Variants in VCAN observed in about 807,000 individuals in gnomAD.
VCAN encodes versican core protein.
A neutral mutation model predicts 245.5 loss-of-function variants in VCAN; 44 were observed. The observed-to-expected ratio is 0.18, with a 90% CI of 0.14 to 0.23. VCAN has a LOEUF of 0.23. Ranked by LOEUF, VCAN falls within the 10% of genes least tolerant of loss-of-function variation. VCAN has a pLI of 1.00. For synonymous variants in VCAN, 1,413 were observed against 1,437.0 expected, an observed-to-expected ratio of 0.98 and a Z score of 0.38; for missense variants, 3,793 against 4,057.9, an observed-to-expected ratio of 0.93 and a Z score of 1.77.
At chr5:83,543,975 GACTC>G (rs1203875265) in intron 8 of VCAN, among the ~76,000 whole-genome samples, 1 of 152,212 alleles carries the variant, frequency 6.6e-6, no homozygotes, top group African/African-American at 2.4e-5. Context: ...TTCACAGGAA[GACTC>G]ACTCACTCAG....
rs1746137300 is a variant in VCAN at position 83,522,240 on chromosome 5, C to T, written c.3934C>T (p.Pro1312Ser). Reference sequence around the variant, plus strand: ...ACCTCAGGCGCTTTCTACGCCACAGCCCCCAGCAAGCACAAAATTTCACCC... The same window carrying T: ...ACCTCAGGCGCTTTCTACGCCACAGTCCCCAGCAAGCACAAAATTTCACCC... ...FGPQALSTPQ[P>S]PASTKFHPDI... Residue 1312 changes from proline (P) to serine (S), a missense_variant, in exon 7 of 15, where the codon CCC becomes TCC. This residue lies in a region of VCAN where 3,182 missense variants were observed against 3,250.3 expected (regional missense o/e 0.98). Transcript: ENST00000265077. 1.2e-6 allele frequency: 2 copies of T among 1,600,624 alleles called. No individual in the cohort carries two copies. The highest frequency in any genetic ancestry group is 3.3e-5 in the Admixed American group (2 of 59,924).
chr5:83,513,833 C>A (rs543067968), intron 6 of VCAN, among the ~76,000 whole-genome samples: 155 of 152,294 alleles, frequency 1.0e-3, no homozygotes, highest in Non-Finnish European at 1.8e-3. Context: ...AATTAAGGAG[C>A]AAAATCAGAT....
intron 11 of VCAN, among the ~76,000 whole-genome samples, chr5:83,553,789 T>C (rs1747561497): frequency 6.6e-6 from 1 of 152,222 alleles, no homozygotes; most frequent in Non-Finnish European, 1.5e-5. Flanking sequence ...GCAGTTGCTA[T>C]TTGATCATTT....
intron 12 of VCAN, among the ~76,000 whole-genome samples, chr5:83,562,802 A>T (rs1333647006): frequency 1.3e-5 from 2 of 151,976 alleles, no homozygotes; most frequent in African/African-American, 4.8e-5. Context: ...ATTAAATGCA[A>T]GTTGCTCTCT....
chr5:83,522,282 A>C lies in VCAN; in HGVS notation c.3976A>C (p.Ile1326Leu), dbSNP rs1161746129. 4.4e-6 allele frequency: 7 copies of C among 1,599,226 alleles called. No individual in the cohort carries two copies. Among genetic ancestry groups the C allele is most frequent in the Non-Finnish European group, 5.9e-6 (7 of 1,179,890 alleles). Residue 1326 changes from isoleucine to leucine, a missense_variant, in exon 7 of 15, where the codon ATT (isoleucine) becomes CTT (leucine). Ile to Leu is a conservative substitution (Grantham distance 5, BLOSUM62 2). Coordinates refer to ENST00000265077, the MANE Select transcript of VCAN (RefSeq NM_004385.5). ...TKFHPDINVY[I>L]IEVRENKTGR... The stretch of plus-strand genomic sequence containing the variant: ...ATTTCACCCTGACATTAATGTTTAT[A>C]TTATTGAGGTCAGAGAAAATAAGAC...
rs746423250 is a variant in VCAN at position 83,519,866 on chromosome 5, G to T, written c.1560G>T (p.Leu520Phe). The T allele has an allele frequency of 3.1e-6, 5 of 1,613,944 alleles. No homozygotes were observed. The African/African-American group carries it at 4.0e-5, about 13-fold the overall frequency. ...AATTCCCTGTAACTGAAACACCATT[G>T]GTAACTGCAAGAATGATCCTGGAAT... ...SKEFPVTETPLVTARMILESK... is the reference protein window; with the variant it reads ...SKEFPVTETPFVTARMILESK... The change falls in exon 7 of 15, where the codon TTG (leucine) becomes TTT (phenylalanine). Residue 520 changes from leucine (L) to phenylalanine (F), a missense_variant. Leu to Phe is a conservative substitution (Grantham distance 22). This residue lies in a region of VCAN where 3,182 missense variants were observed against 3,250.3 expected (regional missense o/e 0.98). Transcript: ENST00000265077.
intron 2 of VCAN, among the ~76,000 whole-genome samples, chr5:83,489,681 T>A (rs1034099576): frequency 2.6e-5 from 4 of 152,186 alleles, no homozygotes; most frequent in African/African-American, 9.7e-5. Context: ...ACATTTTTTG[T>A]CTTTCGACCT....
At chr5:83,542,991 GT>G (rs942809646) in intron 8 of VCAN, among the ~76,000 whole-genome samples, 9 of 152,158 alleles carry the variant, frequency 5.9e-5, no homozygotes, top group Admixed American at 5.2e-4. Context: ...GTGTGAAAGG[GT>G]AAGAGGTGAA....
At chr5:83,523,230 G>T (rs1170214552) in intron 7 of VCAN, among the ~76,000 whole-genome samples, 1 of 152,118 alleles carries the variant, frequency 6.6e-6, no homozygotes, top group African/African-American at 2.4e-5. Context: ...GATAAGCTGA[G>T]TTGAGAATAT....
At chr5:83,575,006 A>G (rs1748421490) in intron 13 of VCAN, among the ~76,000 whole-genome samples, 1 of 152,212 alleles carries the variant, frequency 6.6e-6, no homozygotes, top group African/African-American at 2.4e-5. Flanking sequence ...GTGTTATCAC[A>G]TGAATATTTA....
chr5:83,536,708 A>T, intron 7 of VCAN: 1 of 209,718 alleles, frequency 4.8e-6, no homozygotes, highest in Non-Finnish European at 9.5e-6. Context: ...GCACTTCAAG[A>T]TTACATTGTA....
At chr5:83,549,245 A>C (rs769382842) in intron 10 of VCAN, among the ~76,000 whole-genome samples, 3 of 152,334 alleles carry the variant, frequency 2.0e-5, no homozygotes, top group Non-Finnish European at 2.9e-5. Context: ...TCTTCCAGGC[A>C]CTGTTCTGGG....
In VCAN at chr5:83,539,060, C is replaced by G; in HGVS notation, c.6057C>G (p.Ser2019Arg). ...EGSGEQLVTV[S>R]SSVVPVLPSA... Reference sequence around the variant, plus strand: ...CAGGTGAGCAACTGGTCACAGTCAGCAGCTCTGTTGTTCCAGTGCTTCCCA... The same window carrying G: ...CAGGTGAGCAACTGGTCACAGTCAGGAGCTCTGTTGTTCCAGTGCTTCCCA... Residue 2019 changes from serine to arginine, a missense_variant, in exon 8 of 15, where the codon AGC (serine) becomes AGG (arginine). Transcript: ENST00000265077. The G allele has an allele frequency of 6.2e-7, 1 of 1,613,982 alleles. No homozygotes were observed.
At position 83,540,135 on chromosome 5, in the gene VCAN, A is replaced by G. The variant is rs1746909823; in HGVS notation, c.7132A>G (p.Thr2378Ala). Residue 2378 changes from threonine (T) to alanine (A), a missense_variant, in exon 8 of 15, where the codon ACT (threonine) becomes GCT (alanine). Thr to Ala is a moderately conservative substitution (Grantham distance 58). Coordinates refer to ENST00000265077, the MANE Select transcript of VCAN (RefSeq NM_004385.5). ...CCAGACTAGTAGACCACAAACCATA[A>G]CTGAACAAGACTCTAACAAGAATTC... Reference protein sequence around the residue: ...EIQTSRPQTITEQDSNKNSST... With the variant: ...EIQTSRPQTIAEQDSNKNSST... The G allele has an allele frequency of 5.0e-6, 8 of 1,613,912 alleles. No homozygotes were observed. Among genetic ancestry groups the G allele is most frequent in the Non-Finnish European group, 5.9e-6 (7 of 1,179,978 alleles).
chr5:83,521,589 G>A lies in VCAN; in HGVS notation c.3283G>A (p.Val1095Ile). 6.2e-7 allele frequency: 1 copy of A among 1,614,086 alleles called. No homozygotes were observed. The highest frequency in any genetic ancestry group is 8.5e-7 in the Non-Finnish European group (1 of 1,180,020). Residue 1095 changes from valine to isoleucine, a missense_variant, in exon 7 of 15, where the codon GTT becomes ATT. By Grantham distance (29) the Val-to-Ile change is conservative (BLOSUM62 3). This residue lies in a region of VCAN where 3,182 missense variants were observed against 3,250.3 expected (regional missense o/e 0.98). Coordinates refer to ENST00000265077, the MANE Select transcript of VCAN (RefSeq NM_004385.5). The stretch of plus-strand genomic sequence containing the variant: ...GGTCCCAGTTTTAGAAACAACTCCA[G>A]TTGGAAAAATTGATCACAGTGTGTC... Reference protein sequence around the residue: ...ERVPVLETTPVGKIDHSVSYP... With the variant: ...ERVPVLETTPIGKIDHSVSYP...
rs1748684723 is a variant in VCAN, at chr5:83,581,752, C to G, written c.*1318C>G. ...TGTATGTGTTGACATTTCTCCCCATCTCTTCCCACTCTGTTTTCTCCCCAT... is the reference window on the plus strand; with the variant it reads ...TGTATGTGTTGACATTTCTCCCCATGTCTTCCCACTCTGTTTTCTCCCCAT... On this transcript the variant is annotated 3_prime_UTR_variant, in exon 15 of 15. Transcript: ENST00000265077. 6.6e-6 allele frequency: 1 copy of G among 152,172 alleles called. No homozygotes were observed. 9.4% of individuals were successfully genotyped at this position (152,172 alleles called of 1,614,324 possible).
At chr5:83,564,188 ATTTTTATT>A (rs1186971336) in intron 12 of VCAN, among the ~76,000 whole-genome samples, 13 of 152,088 alleles carry the variant, frequency 8.5e-5, no homozygotes, top group Non-Finnish European at 1.8e-4. Flanking sequence ...TTTATTTTTT[ATTTTTATT>A]TTTTTATTTT....
At chr5:83,532,167 C>T (rs1405248873) in intron 7 of VCAN, among the ~76,000 whole-genome samples, 1 of 152,064 alleles carries the variant, frequency 6.6e-6, no homozygotes, top group South Asian at 2.1e-4. Context: ...CCCCCCAACC[C>T]CCTTACTATA....
At chr5:83,515,630 C>T (rs1395100201) in intron 6 of VCAN, among the ~76,000 whole-genome samples, 2 of 152,174 alleles carry the variant, frequency 1.3e-5, no homozygotes, top group African/African-American at 2.4e-5. Context: ...TATGTTCTTG[C>T]TTTGAAGTTT....
Sources: allele counts gnomAD v4.1 joint callset (sites outside exome capture counted in the v4.1 genomes callset), GRCh38; gene constraint gnomAD v4.1.1; regional missense constraint gnomAD v4.1.1; transcripts MANE v1.5; gene names NCBI Gene and HGNC (gene_info 2026-07-23, HGNC 2026-07-21).